The following XPO4 variants were observed in gnomAD, a reference collection of about 807,000 sequenced individuals.
XPO4 encodes the protein exportin-4.
Under a neutral mutation model 143.0 loss-of-function variants are expected in XPO4, and 39 were observed. The ratio of observed to expected loss-of-function variants is 0.27; its 90% CI spans 0.21 to 0.36. The LOEUF (loss-of-function observed/expected upper bound fraction) is 0.36. XPO4 is among the 10% of genes least tolerant of loss of function. The probability of loss-of-function intolerance (pLI) is 1.00; values close to 1 mark genes in which losing one functional copy is unlikely to be tolerated. For synonymous variants in XPO4, 439 were observed against 474.0 expected (o/e 0.93, Z 0.96); for missense variants, 907 against 1,348.0 (o/e 0.67, Z 5.12).
chr13:20,838,899 T>C (rs1475855316), intron 6 of XPO4, among the ~76,000 whole-genome samples: 2 of 152,096 alleles, frequency 1.3e-5, no homozygotes, highest in Non-Finnish European at 2.9e-5. Flanking sequence ...ATTATGGCAA[T>C]GAAAAGGAAT....
chr13:20,856,750 C>G (rs553637420), intron 3 of XPO4: 1 of 791,966 alleles, frequency 1.3e-6, no homozygotes, highest in Non-Finnish European at 1.5e-6. Flanking sequence ...TCCACACACA[C>G]GCACAACTGC....
At chr13:20,801,127 CAG>C (rs1334739947) in intron 13 of XPO4, 137 bp from the exon 14 acceptor site, 42 of 959,794 alleles carry the variant, frequency 4.4e-5, no homozygotes, top group Non-Finnish European at 5.9e-5. Context: ...ATTTCATCTA[CAG>C]AGTTTTAGAC....
chr13:20,779,556 G>A lies in XPO4; in HGVS notation c.*4166C>T, dbSNP rs1442845464. 3.3e-5 allele frequency: 5 copies of A among 152,478 alleles called. No homozygotes were observed. Among genetic ancestry groups the A allele is most frequent in the Admixed American group, 6.5e-5 (1 of 15,284 alleles). 9.4% of individuals were successfully genotyped at this position (152,478 alleles called of 1,614,324 possible). A position where few individuals can be genotyped will look rare whatever the true frequency, so the allele number is the denominator to read the frequency against. Reference sequence around the variant, plus strand: ...AGGTGAAGATCAAACCACAGTGGGAGAGGAGGGTAAAGATGTGAGCTTCAA... The same window carrying A: ...AGGTGAAGATCAAACCACAGTGGGAAAGGAGGGTAAAGATGTGAGCTTCAA... On this transcript the variant is annotated 3_prime_UTR_variant, in exon 23 of 23. Transcript: ENST00000255305.
At chr13:20,786,327 A>ATG (rs2059206608) in intron 22 of XPO4, among the ~76,000 whole-genome samples, 1 of 147,774 alleles carries the variant, frequency 6.8e-6, no homozygotes, top group African/African-American at 2.5e-5. Flanking sequence ...ATATATATAT[A>ATG]TGTACCTTAC....
intron 1 of XPO4, among the ~76,000 whole-genome samples, chr13:20,892,811 G>C (rs145665523): frequency 1.3e-3 from 197 of 151,908 alleles, no homozygotes; most frequent in Non-Finnish European, 2.3e-3. Context: ...TTCAGCCCAG[G>C]AGTTTGAGGC....
intron 1 of XPO4, among the ~76,000 whole-genome samples, chr13:20,896,287 AAG>A (rs1416317729): frequency 1.3e-5 from 2 of 152,206 alleles, no homozygotes; most frequent in African/African-American, 2.4e-5. Flanking sequence ...GTGAGGAGGA[AAG>A]AGAGATTTTG....
chr13:20,897,698 TGAC>T (rs1193983167), intron 1 of XPO4, among the ~76,000 whole-genome samples: 1 of 152,226 alleles, frequency 6.6e-6, no homozygotes, highest in East Asian at 1.9e-4. Context: ...ACTAGCTACA[TGAC>T]AACAGGCAAA....
intron 2 of XPO4, chr13:20,866,291 CA>C (rs2138130157): frequency 1.0e-6 from 1 of 984,136 alleles, no homozygotes; most frequent in East Asian, 1.1e-4. Context: ...AGAATGAAAA[CA>C]AAAGGATAAG....
intron 4 of XPO4, chr13:20,848,798 GTT>G (rs2060054493): frequency 1.0e-6 from 1 of 984,986 alleles, no homozygotes; most frequent in Non-Finnish European, 1.2e-6. Context: ...TTTTTTGGTT[GTT>G]TATAAATTTC....
At chr13:20,856,342 G>A (rs1772086597) in intron 3 of XPO4, 1 of 985,192 alleles carries the variant, frequency 1.0e-6, no homozygotes, top group Non-Finnish European at 1.2e-6. Context: ...CATTCAAAAT[G>A]TTCATATCTA....
At chr13:20,784,607 G>A (rs1319381010) in intron 22 of XPO4, among the ~76,000 whole-genome samples, 1 of 152,130 alleles carries the variant, frequency 6.6e-6, no homozygotes, top group African/African-American at 2.4e-5. Context: ...AGAAGGTGTG[G>A]GCTTAAGGGA....
chr13:20,902,212 G>A (rs1053356376), intron 1 of XPO4: 8 of 985,144 alleles, frequency 8.1e-6, no homozygotes, highest in African/African-American at 5.2e-5. Flanking sequence ...TAGAGGATGC[G>A]AATGCACAGG....
chr13:20,882,927 ACCAT>A, intron 1 of XPO4, among the ~76,000 whole-genome samples: 1 of 150,500 alleles, frequency 6.6e-6, no homozygotes, highest in East Asian at 2.0e-4. Flanking sequence ...GAATAAAGGG[ACCAT>A]CCATTCTCTG....
At chr13:20,854,758 T>G (rs2060125619) in intron 4 of XPO4, among the ~76,000 whole-genome samples, 1 of 152,160 alleles carries the variant, frequency 6.6e-6, no homozygotes, top group Admixed American at 6.5e-5. Context: ...ACAGCCACTC[T>G]CCAGGCACAA....
chr13:20,810,019 A>AT, intron 9 of XPO4, 52 bp from the exon 10 acceptor site: 2 of 1,466,718 alleles, frequency 1.4e-6, no homozygotes, highest in Non-Finnish European at 9.2e-7. Context: ...GACAATTGGC[A>AT]TAACAACAGT....
intron 1 of XPO4, among the ~76,000 whole-genome samples, chr13:20,895,768 T>A (rs2060563305): frequency 6.6e-6 from 1 of 152,196 alleles, no homozygotes; most frequent in Admixed American, 6.5e-5. Flanking sequence ...ATTTTGAGTA[T>A]CTTTCCATGT....
At chr13:20,809,056 C>T (rs767458452) in intron 11 of XPO4, 27 bp downstream of exon 11, 1 of 1,602,638 alleles carries the variant, frequency 6.2e-7, no homozygotes, top group Non-Finnish European at 8.5e-7. Context: ...ATATTTGCTC[C>T]ATGGGGTTTC....
At chr13:20,817,060 C>T (rs1469363850) in intron 9 of XPO4, among the ~76,000 whole-genome samples, 1 of 152,174 alleles carries the variant, frequency 6.6e-6, no homozygotes, top group African/African-American at 2.4e-5. Context: ...CTACAAGAAC[C>T]GTTTGGTGGG....
intron 1 of XPO4, among the ~76,000 whole-genome samples, chr13:20,900,887 C>T (rs1028302824): frequency 2.6e-5 from 4 of 152,174 alleles, no homozygotes; most frequent in Non-Finnish European, 5.9e-5. Flanking sequence ...GCTGGGATTA[C>T]AGGAATGAGC....
Sources: allele counts gnomAD v4.1 joint callset (sites outside exome capture counted in the v4.1 genomes callset), GRCh38; gene constraint gnomAD v4.1.1; transcripts MANE v1.5; gene names NCBI Gene and HGNC (gene_info 2026-07-23, HGNC 2026-07-21).